Variants in IZUMO2 observed in about 807,000 individuals in gnomAD.
IZUMO2 encodes IZUMO family member 2.
IZUMO2 carries 24 observed loss-of-function variants against 31.2 expected under a neutral mutation model. The ratio of observed to expected loss-of-function variants is 0.77; its 90% CI spans 0.56 to 1.08. The LOEUF is 1.08. Ranked by LOEUF, IZUMO2 falls within the 50% of genes least tolerant of loss-of-function variation. The pLI, the probability that IZUMO2 is intolerant of heterozygous loss-of-function variation, is 0.00. For missense variants in IZUMO2, 278 were observed against 274.0 expected (o/e 1.01, Z -0.10); for synonymous variants, 144 against 117.3 (o/e 1.23, Z -1.47).
chr19:50,154,264 G>GTTTTTTTGTTT lies in IZUMO2; in HGVS notation c.623+335_623+336insAAACAAAAAAA, dbSNP rs2030129784. ...GCATCCACCAAATATAACTTTTAGC[G>GTTTTTTTGTTT]TTTTTTTTTTTTTTTTTTTTTTTTT... is the stretch of plus-strand genomic sequence containing the variant. On this transcript the variant is annotated intron_variant, in intron 6 of 6. Coordinates refer to ENST00000293405, the MANE Select transcript of IZUMO2 (RefSeq NM_152358.3). Among the ~76,000 whole-genome samples the GTTTTTTTGTTT allele has an allele frequency of 2.3e-4, 18 of 79,288 alleles. 8 individuals are homozygous for GTTTTTTTGTTT. Among genetic ancestry groups the GTTTTTTTGTTT allele is most frequent in the Admixed American group, 3.5e-4 (2 of 5,764 alleles). The allele number at this position is 79,288 out of a possible 152,430, so 52.0% of individuals were successfully genotyped here. A position where few individuals can be genotyped will look rare whatever the true frequency, so the allele number is the denominator to read the frequency against.
intron 5 of IZUMO2, among the ~76,000 whole-genome samples, chr19:50,156,182 C>G (rs920267912): frequency 3.9e-5 from 6 of 152,162 alleles, no homozygotes; most frequent in African/African-American, 1.4e-4. Context: ...CCCAGTGGTT[C>G]TCAATCTGGG....
chr19:50,159,465 G>A (rs754428034), intron 3 of IZUMO2, 29 bp downstream of exon 3: 1 of 1,494,018 alleles, frequency 6.7e-7, no homozygotes, highest in Admixed American at 1.7e-5. Flanking sequence ...GAGAAGAGGA[G>A]AGGGGATTGG....
intron 6 of IZUMO2, 77 bp from the exon 7 acceptor site, chr19:50,152,728 TC>T: frequency 8.3e-7 from 1 of 1,210,760 alleles, no homozygotes; most frequent in Non-Finnish European, 1.2e-6. Flanking sequence ...ATAACTTCCC[TC>T]CCCATAACTT....
At chr19:50,158,814 T>C (rs563192709) in intron 4 of IZUMO2, among the ~76,000 whole-genome samples, 1 of 152,258 alleles carries the variant, frequency 6.6e-6, no homozygotes, top group East Asian at 1.9e-4. Context: ...CTTCCAGGCT[T>C]GGCTATACAA....
At chr19:50,154,798 G>A in intron 5 of IZUMO2, 72 bp from the exon 6 acceptor site, 1 of 1,559,714 alleles carries the variant, frequency 6.4e-7, no homozygotes, top group Non-Finnish European at 8.7e-7. Flanking sequence ...CACCCCACCT[G>A]TTCATTCAGC....
Position 50,163,215 on chromosome 19 carries a change from A to C in IZUMO2, c.-21T>G. On this transcript the variant is annotated 5_prime_UTR_variant, in exon 1 of 7. It removes the in-frame stop codon of an upstream open reading frame in the 5' UTR. Transcript: ENST00000293405. ...GGCATGGCGGGGCCTTTGTGACGTC[A>C]CAGAGAGAACCCGGCCCGCCCCGCC... 6.5e-7 allele frequency: 1 copy of C among 1,533,926 alleles called. No individual in the cohort carries two copies. The highest frequency in any genetic ancestry group is 8.8e-7 in the Non-Finnish European group (1 of 1,135,670).
intron 2 of IZUMO2, among the ~76,000 whole-genome samples, chr19:50,162,357 C>T (rs2030426987): frequency 6.6e-6 from 1 of 152,072 alleles, no homozygotes. Flanking sequence ...CCTGTAATCC[C>T]AGCACTTTGG....
chr19:50,155,818 A>T (rs1255331300), intron 5 of IZUMO2, among the ~76,000 whole-genome samples: 3 of 152,014 alleles, frequency 2.0e-5, no homozygotes, highest in African/African-American at 7.2e-5. Flanking sequence ...TCAAGTTCTC[A>T]CCATGCTCTT....
chr19:50,155,539 C>T lies in IZUMO2; in HGVS notation c.497-813G>A, dbSNP rs560402958. 9.2e-5 allele frequency among the ~76,000 whole-genome samples: 14 copies of T among 152,328 alleles called. No homozygotes were observed. In the South Asian group the frequency reaches 2.1e-3, roughly 23 times the overall value. On this transcript the variant is annotated intron_variant, in intron 5 of 6. Transcript: ENST00000293405. ...AGGTGGCCTTGGGAGTTGCTTTCTG[C>T]GTCTTCCACTTGCCTCCCACCACCA...
chr19:50,152,796 G>T, intron 6 of IZUMO2, 145 bp from the exon 7 acceptor site: 1 of 715,036 alleles, frequency 1.4e-6, no homozygotes, highest in Non-Finnish European at 2.5e-6. Flanking sequence ...CATCTGGGCA[G>T]ATTTTCAGGG....
chr19:50,162,289 AAAAT>A (rs745573449), intron 2 of IZUMO2, among the ~76,000 whole-genome samples: 2 of 151,838 alleles, frequency 1.3e-5, no homozygotes, highest in Admixed American at 6.6e-5. Flanking sequence ...TCAAAAAATA[AAAAT>A]AAATAAATAA....
At chr19:50,161,905 C>G (rs2030412049) in intron 2 of IZUMO2, among the ~76,000 whole-genome samples, 1 of 152,172 alleles carries the variant, frequency 6.6e-6, no homozygotes, top group African/African-American at 2.4e-5. Context: ...CTGCACATCC[C>G]CCGCTCCCCC....
In IZUMO2 at chr19:50,159,360, G is replaced by A. The variant is rs938938857; in HGVS notation, c.395-110C>T. On this transcript the variant is annotated intron_variant, in intron 3 of 6. Coordinates refer to ENST00000293405, the MANE Select transcript of IZUMO2 (RefSeq NM_152358.3). Reference sequence around the variant, plus strand: ...GGGTGAGGCTGGGAAAGGAGAGAAGGGAAGATTGGGGAGAGATGAAGAAGG... The same window carrying A: ...GGGTGAGGCTGGGAAAGGAGAGAAGAGAAGATTGGGGAGAGATGAAGAAGG... 4.2e-5 allele frequency: 55 copies of A among 1,297,074 alleles called. No individual in the cohort carries two copies. In the South Asian group the frequency reaches 5.1e-4, roughly 12 times the overall value. The allele number at this position is 1,297,074 out of a possible 1,614,324, so 80.3% of individuals were successfully genotyped here.
rs1338267971 is a variant in IZUMO2, at chr19:50,154,261, AGC to A, written c.623+337_623+338del. Among the ~76,000 whole-genome samples, 38 of 107,918 alleles carry A rather than the reference AGC, an allele frequency of 3.5e-4. 3 individuals carry two copies. Among genetic ancestry groups the A allele is most frequent in the African/African-American group, 1.2e-3 (36 of 28,948 alleles). 70.8% of individuals were successfully genotyped at this position (107,918 alleles called of 152,430 possible). A position where few individuals can be genotyped will look rare whatever the true frequency, so the allele number is the denominator to read the frequency against. ...AATGCATCCACCAAATATAACTTTT[AGC>A]GTTTTTTTTTTTTTTTTTTTTTTTT... On this transcript the variant is annotated intron_variant, in intron 6 of 6. Coordinates refer to ENST00000293405, the MANE Select transcript of IZUMO2 (RefSeq NM_152358.3).
At position 50,158,364 on chromosome 19, in the gene IZUMO2, G is replaced by A. The variant is rs2030286378; in HGVS notation, c.416-16C>T. ...TTTAGCAAGCCTAGGCAAGGGGAAA[G>A]GGAGAAGTAAGACAAGGGCAGATAT... On this transcript the variant is annotated splice_polypyrimidine_tract_variant and intron_variant, in intron 4 of 6. Coordinates refer to ENST00000293405, the MANE Select transcript of IZUMO2 (RefSeq NM_152358.3). 6.4e-7 allele frequency: 1 copy of A among 1,571,212 alleles called. No individual in the cohort carries two copies. Among genetic ancestry groups the A allele is most frequent in the Admixed American group, 1.7e-5 (1 of 59,130 alleles).
intron 5 of IZUMO2, among the ~76,000 whole-genome samples, chr19:50,157,289 T>C (rs1212975731): frequency 7.2e-6 from 1 of 138,756 alleles, no homozygotes; most frequent in African/African-American, 2.7e-5. Flanking sequence ...TAGATAGATG[T>C]GGATTCATTA....
At chr19:50,158,389 T>C (rs1295978478) in intron 4 of IZUMO2, 41 bp from the exon 5 acceptor site, 3 of 1,349,708 alleles carry the variant, frequency 2.2e-6, no homozygotes, top group Non-Finnish European at 3.2e-6. Flanking sequence ...AGGGCAGATA[T>C]CAGAGGACCG....
At chr19:50,154,031 G>A (rs796847089) in intron 6 of IZUMO2, among the ~76,000 whole-genome samples, 1 of 147,758 alleles carries the variant, frequency 6.8e-6, no homozygotes, top group African/African-American at 2.5e-5. Flanking sequence ...GAGGGCACAA[G>A]CATAAAGAGG....
intron 2 of IZUMO2, chr19:50,160,483 A>AT (rs532639373): frequency 0.18 from 26,060 of 141,958 alleles, 2,622 homozygotes; most frequent in Non-Finnish European, 0.23. Flanking sequence ...GACTACTAGA[A>AT]TTTTTTTTTT....
Sources: allele counts gnomAD v4.1 joint callset (sites outside exome capture counted in the v4.1 genomes callset), GRCh38; gene constraint gnomAD v4.1.1; transcripts MANE v1.5; gene names NCBI Gene and HGNC (gene_info 2026-07-23, HGNC 2026-07-21).